RASGEF1B: variants seen among roughly 807,000 people sequenced by gnomAD.
The protein encoded by RASGEF1B is RasGEF domain family member 1B.
A neutral mutation model predicts 65.7 loss-of-function variants in RASGEF1B; 30 were observed. The observed-to-expected ratio is 0.46, with a 90% CI of 0.34 to 0.62. The LOEUF (loss-of-function observed/expected upper bound fraction) is 0.62. Among genes scored for constraint, RASGEF1B ranks in the 20% least tolerant of loss-of-function variants. The pLI is 0.01. For synonymous variants in RASGEF1B, 175 were observed against 194.8 expected, an observed-to-expected ratio of 0.90 and a Z score of 0.85; for missense variants, 495 against 580.1, an observed-to-expected ratio of 0.85 and a Z score of 1.51.
intron 8 of RASGEF1B, 33 bp from the exon 9 acceptor site, chr4:81,442,409 G>T: frequency 8.0e-7 from 1 of 1,242,834 alleles, no homozygotes; most frequent in Non-Finnish European, 1.2e-6. Context: ...GAGAAAAAAG[G>T]AAAATTGAAA....
In RASGEF1B at chr4:81,442,890, G is replaced by A. The variant is rs138587787; in HGVS notation, c.929-514C>T. Among the ~76,000 whole-genome samples the A allele has an allele frequency of 7.2e-5, 11 of 152,260 alleles. No individual in the cohort carries two copies. The South Asian group carries it at 8.3e-4, about 12-fold the overall frequency. ...CACTGGTCATAAAGAAACCAGTGAC[G>A]GACCATATTTGACCCACGGGTCATA... On this transcript the variant is annotated intron_variant, in intron 8 of 13. Transcript: ENST00000264400.
At chr4:81,456,386 A>G in intron 4 of RASGEF1B, 1 of 604,852 alleles carries the variant, frequency 1.7e-6, no homozygotes, top group Non-Finnish European at 2.9e-6. Context: ...ATTAAAACAT[A>G]CTTGCAACAT....
At chr4:81,436,684 G>A (rs1721643453) in intron 10 of RASGEF1B, among the ~76,000 whole-genome samples, 2 of 152,118 alleles carry the variant, frequency 1.3e-5, no homozygotes, top group Admixed American at 1.3e-4. Context: ...GATCTTTTAA[G>A]TTCCCTAAGC....
chr4:81,459,455 T>C lies in RASGEF1B; in HGVS notation c.54A>G (p.Arg18=). Residue 18 remains arginine, a synonymous_variant, in exon 2 of 14, where the codon CGA becomes CGG. Coordinates refer to ENST00000264400, the MANE Select transcript of RASGEF1B (RefSeq NM_152545.3). ...SAMFDSSGYN[R]NLYQSAEDSC... ...TGTCCTCTGCAGACTGATAGAGGTT[T>C]CGATTGTAACCACTGCTGTCAAACA... 6.2e-7 allele frequency: 1 copy of C among 1,612,230 alleles called. No individual in the cohort carries two copies. The highest frequency in any genetic ancestry group is 8.5e-7 in the Non-Finnish European group (1 of 1,179,482).
intron 4 of RASGEF1B, chr4:81,450,976 A>G (rs1395355282): frequency 6.6e-6 from 1 of 152,212 alleles, no homozygotes; most frequent in Non-Finnish European, 1.5e-5. Context: ...TACTTCTAAT[A>G]ATTATGCAAA....
chr4:81,435,711 G>A (rs1387036111), intron 10 of RASGEF1B, among the ~76,000 whole-genome samples: 5 of 146,648 alleles, frequency 3.4e-5, no homozygotes, highest in East Asian at 2.0e-4. Context: ...TCCTGACCTT[G>A]TGATCCGCCC....
intron 10 of RASGEF1B, among the ~76,000 whole-genome samples, chr4:81,435,462 GA>G (rs1560694565): frequency 2.6e-5 from 3 of 117,262 alleles, no homozygotes; most frequent in African/African-American, 1.0e-4. Flanking sequence ...TGCAGGCACC[GA>G]TTTTTTTTTT....
At chr4:81,456,462 C>A (rs1258475468) in intron 4 of RASGEF1B, 189 bp downstream of exon 4, 1 of 714,512 alleles carries the variant, frequency 1.4e-6, no homozygotes, top group Admixed American at 2.0e-5. Context: ...TAGATCATAT[C>A]CCTTTGAAGT....
At chr4:81,439,987 C>T (rs1041119107) in intron 10 of RASGEF1B, among the ~76,000 whole-genome samples, 11 of 152,056 alleles carry the variant, frequency 7.2e-5, no homozygotes, top group South Asian at 2.1e-4. Context: ...TCATTGAGGC[C>T]GAACCTTTTT....
chr4:81,456,600 C>T (rs780768156), intron 4 of RASGEF1B, 51 bp downstream of exon 4: 3 of 1,608,070 alleles, frequency 1.9e-6, no homozygotes, highest in African/African-American at 2.7e-5. Flanking sequence ...CATTTCCCAC[C>T]CAGGCTCTGC....
At chr4:81,442,209 A>T (rs1340812494) in intron 9 of RASGEF1B, 88 bp downstream of exon 9, 6 of 860,578 alleles carry the variant, frequency 7.0e-6, no homozygotes, top group Non-Finnish European at 1.2e-5. Context: ...CCTCTGTCGT[A>T]GTCTGATGGA....
At chr4:81,438,391 C>A (rs1448240176) in intron 10 of RASGEF1B, among the ~76,000 whole-genome samples, 1 of 152,218 alleles carries the variant, frequency 6.6e-6, no homozygotes, top group Non-Finnish European at 1.5e-5. Flanking sequence ...CTCAGGTGAT[C>A]CACCCGCCTC....
At chr4:81,456,562 G>A in intron 4 of RASGEF1B, 89 bp downstream of exon 4, 1 of 1,403,648 alleles carries the variant, frequency 7.1e-7, no homozygotes, top group Non-Finnish European at 1.0e-6. Context: ...AGAGGAAGCA[G>A]TGGAGATTAG....
chr4:81,460,485 G>C (rs978858077), intron 1 of RASGEF1B, among the ~76,000 whole-genome samples: 10 of 152,162 alleles, frequency 6.6e-5, no homozygotes, highest in African/African-American at 2.2e-4. Flanking sequence ...GACTGACAGG[G>C]ACAGGGTGTG....
At chr4:81,434,428 A>C (rs1052545445) in intron 11 of RASGEF1B, among the ~76,000 whole-genome samples, 1 of 152,188 alleles carries the variant, frequency 6.6e-6, no homozygotes, top group African/African-American at 2.4e-5. Context: ...AAATGTTCTC[A>C]AGTTCCCTCA....
chr4:81,437,473 T>C (rs1180228641), intron 10 of RASGEF1B, among the ~76,000 whole-genome samples: 2 of 152,240 alleles, frequency 1.3e-5, no homozygotes, highest in South Asian at 2.1e-4. Context: ...TTGTATATTG[T>C]AGCAGCTTTT....
chr4:81,457,612 T>C lies in RASGEF1B; in HGVS notation c.187A>G (p.Ile63Val), dbSNP rs756271039. The change falls in exon 3 of 14, where the codon ATA (isoleucine) becomes GTA (valine). Residue 63 changes from isoleucine to valine, a missense_variant. Coordinates refer to ENST00000264400, the MANE Select transcript of RASGEF1B (RefSeq NM_152545.3). ...CGAGAACTGAGTAGGAAGGTAAATA[T>C]GTATGTTCTCTGCAGCAACAGAAAA... Reference protein sequence around the residue: ...NVDYYPDRTYIFTFLLSSRLF... With the variant: ...NVDYYPDRTYVFTFLLSSRLF... 19 of 1,613,720 alleles carry C rather than the reference T, an allele frequency of 1.2e-5. No individual in the cohort carries two copies. In the Admixed American group the frequency reaches 3.0e-4, roughly 26 times the overall value.
Position 81,427,486 on chromosome 4 carries a change from C to A in RASGEF1B, c.*282G>T, listed in dbSNP as rs1478921172. On this transcript the variant is annotated 3_prime_UTR_variant, in exon 14 of 14. Transcript: ENST00000264400. ...CAGAGCTGTGATTCACATGGAAATTCCAGGAGATGAATAATGTGCAGAGCC... is the reference window on the plus strand; with the variant it reads ...CAGAGCTGTGATTCACATGGAAATTACAGGAGATGAATAATGTGCAGAGCC... 2.5e-6 allele frequency: 1 copy of A among 397,812 alleles called. No individual in the cohort carries two copies. Among genetic ancestry groups the A allele is most frequent in the Non-Finnish European group, 4.4e-6 (1 of 225,654 alleles). 24.6% of individuals were successfully genotyped at this position (397,812 alleles called of 1,614,324 possible). A position where few individuals can be genotyped will look rare whatever the true frequency, so the allele number is the denominator to read the frequency against.
In RASGEF1B at chr4:81,471,877, T is replaced by C. The variant is rs898646658; in HGVS notation, c.-114A>G. On this transcript the variant is annotated 5_prime_UTR_variant, in exon 1 of 14. Transcript: ENST00000264400. ...GCGCGGGAAGAAGAAAAACAAAATC[T>C]GTCTAACCAGTCGGGTTCCTTGTTT... 1.3e-5 allele frequency: 2 copies of C among 152,650 alleles called. No homozygotes were observed. Among genetic ancestry groups the C allele is most frequent in the African/African-American group, 2.4e-5 (1 of 41,458 alleles). 9.5% of individuals were successfully genotyped at this position (152,650 alleles called of 1,614,324 possible). A position where few individuals can be genotyped will look rare whatever the true frequency, so the allele number is the denominator to read the frequency against.
Sources: gnomAD v4.1 joint callset for allele counts (sites outside exome capture counted in the v4.1 genomes callset) on GRCh38, gnomAD v4.1.1 for gene constraint, MANE v1.5 for transcripts, NCBI Gene and HGNC (gene_info 2026-07-23, HGNC 2026-07-21) for gene names.